Variants in PCDH9 observed in about 807,000 individuals in gnomAD.
The protein encoded by PCDH9 is protocadherin-9.
In PCDH9, 24 loss-of-function variants were observed where a neutral mutation model predicts 70.6. The ratio of observed to expected loss-of-function variants is 0.34; its 90% CI spans 0.25 to 0.48. PCDH9 has a LOEUF of 0.48. Among genes scored for constraint, PCDH9 ranks in the 20% least tolerant of loss-of-function variants. The pLI is 0.99. For synonymous variants in PCDH9, 562 were observed against 558.5 expected (o/e 1.01, Z -0.09); for missense variants, 1,281 against 1,503.6 (o/e 0.85, Z 2.45).
intron 4 of PCDH9, among the ~76,000 whole-genome samples, chr13:66,317,622 G>T (rs1292808727): frequency 6.6e-6 from 1 of 152,112 alleles, no homozygotes; most frequent in Non-Finnish European, 1.5e-5. Flanking sequence ...ACAGCCTAAA[G>T]ATGCTAAAAT....
chr13:67,085,204 T>C (rs1372136066), intron 2 of PCDH9, among the ~76,000 whole-genome samples: 1 of 151,466 alleles, frequency 6.6e-6, no homozygotes, highest in Non-Finnish European at 1.5e-5. Flanking sequence ...TTAAAGAGGT[T>C]TTCTGGTAGA....
chr13:66,445,920 C>G lies in PCDH9; in HGVS notation c.3341-140892G>C, dbSNP rs138153722. 2.4e-4 allele frequency among the ~76,000 whole-genome samples: 37 copies of G among 151,060 alleles called. No individual in the cohort carries two copies. The East Asian group carries it at 7.2e-3, about 29-fold the overall frequency. Reference sequence around the variant, plus strand: ...ATGTTTATTTCAAAGGCTTGGTAAGCCTTTCGATGCCAATTTCTAAGCATG... The same window carrying G: ...ATGTTTATTTCAAAGGCTTGGTAAGGCTTTCGATGCCAATTTCTAAGCATG... On this transcript the variant is annotated intron_variant, in intron 4 of 4. Transcript: ENST00000377865.
chr13:66,401,263 G>C (rs1957180424), intron 4 of PCDH9, among the ~76,000 whole-genome samples: 1 of 152,118 alleles, frequency 6.6e-6, no homozygotes, highest in Non-Finnish European at 1.5e-5. Context: ...GGATCTCGTG[G>C]GAGGTGATTA....
chr13:66,344,434 A>G (rs779489445), intron 4 of PCDH9, among the ~76,000 whole-genome samples: 1 of 152,084 alleles, frequency 6.6e-6, no homozygotes, highest in African/African-American at 2.4e-5. Context: ...CCAATAAAGT[A>G]TTTTTAACTC....
At chr13:67,099,490 A>C (rs2086388944) in intron 2 of PCDH9, among the ~76,000 whole-genome samples, 1 of 152,210 alleles carries the variant, frequency 6.6e-6, no homozygotes, top group African/African-American at 2.4e-5. Context: ...ACAGTCAATA[A>C]ATTTGGCATC....
At chr13:66,855,769 T>C (rs778702425) in intron 3 of PCDH9, among the ~76,000 whole-genome samples, 17 of 152,008 alleles carry the variant, frequency 1.1e-4, no homozygotes, top group Non-Finnish European at 2.2e-4. Context: ...TGGTTTACTG[T>C]CTTTTCTGTT....
At chr13:67,163,071 A>C (rs754928136) in intron 2 of PCDH9, among the ~76,000 whole-genome samples, 1 of 152,234 alleles carries the variant, frequency 6.6e-6, no homozygotes, top group Non-Finnish European at 1.5e-5. Flanking sequence ...TTTGGCTTAT[A>C]AAATCAGAGA....
At chr13:66,691,333 C>T (rs2012246) in intron 3 of PCDH9, among the ~76,000 whole-genome samples, 47,058 of 152,070 alleles carry the variant, frequency 0.31, 8,244 homozygotes, top group East Asian at 0.51. Context: ...CCACCGCACC[C>T]GGCCAACATA....
chr13:66,443,517 ATAAT>A (rs1377699372), intron 4 of PCDH9, among the ~76,000 whole-genome samples: 2 of 152,188 alleles, frequency 1.3e-5, no homozygotes, highest in Non-Finnish European at 2.9e-5. Context: ...TAAAATGCTC[ATAAT>A]TAATAGTGAC....
chr13:66,982,664 C>G (rs947132339), intron 2 of PCDH9, among the ~76,000 whole-genome samples: 18 of 152,086 alleles, frequency 1.2e-4, no homozygotes, highest in African/African-American at 2.7e-4. Flanking sequence ...CCACCTCTGT[C>G]GAAACTAACT....
At chr13:66,858,075 TAC>T (rs2081423903) in intron 3 of PCDH9, among the ~76,000 whole-genome samples, 1 of 152,172 alleles carries the variant, frequency 6.6e-6, no homozygotes, top group Non-Finnish European at 1.5e-5. Context: ...ATAGCATCCT[TAC>T]TAAGATAAAT....
intron 2 of PCDH9, among the ~76,000 whole-genome samples, chr13:67,111,859 T>C (rs2086665408): frequency 6.6e-6 from 1 of 152,202 alleles, no homozygotes; most frequent in Admixed American, 6.5e-5. Context: ...TCATTTATTT[T>C]TAATAAAGTT....
At chr13:67,063,174 G>A (rs1051463257) in intron 2 of PCDH9, among the ~76,000 whole-genome samples, 3 of 152,114 alleles carry the variant, frequency 2.0e-5, no homozygotes, top group Admixed American at 6.6e-5. Flanking sequence ...GATGGAGCAA[G>A]TACTACCCGT....
chr13:66,612,434 T>G (rs892706491), intron 4 of PCDH9, among the ~76,000 whole-genome samples: 3 of 152,250 alleles, frequency 2.0e-5, no homozygotes, highest in Non-Finnish European at 4.4e-5. Flanking sequence ...ACTGAAATTC[T>G]AATGTTGTAA....
chr13:66,978,639 T>C (rs2083671248), intron 2 of PCDH9, among the ~76,000 whole-genome samples: 1 of 150,672 alleles, frequency 6.6e-6, no homozygotes, highest in South Asian at 2.1e-4. Flanking sequence ...GATTTATATA[T>C]GGATTGCTTC....
chr13:67,080,347 T>A (rs897079818), intron 2 of PCDH9, among the ~76,000 whole-genome samples: 1 of 152,230 alleles, frequency 6.6e-6, no homozygotes, highest in African/African-American at 2.4e-5. Context: ...CCCAATAAAC[T>A]GTGATAATGC....
intron 4 of PCDH9, among the ~76,000 whole-genome samples, chr13:66,500,464 C>G (rs956157968): frequency 3.3e-5 from 5 of 151,594 alleles, no homozygotes; most frequent in Non-Finnish European, 5.9e-5. Context: ...TATGTAAGAC[C>G]GGATAAGTAA....
intron 4 of PCDH9, among the ~76,000 whole-genome samples, chr13:66,348,120 C>A (rs1049008527): frequency 2.6e-5 from 4 of 152,046 alleles, no homozygotes; most frequent in African/African-American, 7.2e-5. Context: ...CAGAAATGAT[C>A]TTTTTCCTTT....
chr13:66,513,737 G>C (rs1959599631), intron 4 of PCDH9, among the ~76,000 whole-genome samples: 1 of 149,956 alleles, frequency 6.7e-6, no homozygotes, highest in African/African-American at 2.4e-5. Context: ...AAAAAAGCCT[G>C]AACTATATCC....
Sources: allele counts gnomAD v4.1 joint callset (sites outside exome capture counted in the v4.1 genomes callset), GRCh38; gene constraint gnomAD v4.1.1; transcripts MANE v1.5; gene names NCBI Gene and HGNC (gene_info 2026-07-23, HGNC 2026-07-21).